Variants in COPS3 observed in about 807,000 individuals in gnomAD.
COPS3 encodes the protein COP9 signalosome subunit 3.
In COPS3, 10 loss-of-function variants were observed where a neutral mutation model predicts 58.2. That is an observed-to-expected ratio of 0.17 (90% confidence interval 0.11 to 0.29). The LOEUF (loss-of-function observed/expected upper bound fraction) is 0.29. Among genes scored for constraint, COPS3 ranks in the 10% least tolerant of loss-of-function variants. The pLI is 1.00. For missense variants in COPS3, 333 were observed against 510.1 expected (o/e 0.65, Z 3.34); for synonymous variants, 187 against 181.7 (o/e 1.03, Z -0.24).
intron 1 of COPS3, among the ~76,000 whole-genome samples, chr17:17,280,165 ACT>A (rs1365591177): frequency 6.6e-6 from 1 of 152,108 alleles, no homozygotes; most frequent in Non-Finnish European, 1.5e-5. Context: ...TAATCCCAGC[ACT>A]TTGGGAGGCC....
chr17:17,277,875 T>G (rs889567027), intron 1 of COPS3, among the ~76,000 whole-genome samples: 2 of 151,840 alleles, frequency 1.3e-5, no homozygotes, highest in Non-Finnish European at 2.9e-5. Flanking sequence ...GGCTCACACC[T>G]GTAATCCCAG....
chr17:17,246,899 C>A lies in COPS3; in HGVS notation c.*199G>T, dbSNP rs1897864026. 1.7e-6 allele frequency: 1 copy of A among 588,704 alleles called. No homozygotes were observed. Among genetic ancestry groups the A allele is most frequent in the Admixed American group, 3.0e-5 (1 of 33,722 alleles). 36.5% of individuals were successfully genotyped at this position (588,704 alleles called of 1,614,324 possible). ...TGAGGATAAATAAATCCACGACAGA[C>A]TTTAAAGTTTGCAAATCTGTTTCCT... is the stretch of plus-strand genomic sequence containing the variant. On this transcript the variant is annotated 3_prime_UTR_variant, in exon 12 of 12. Coordinates refer to ENST00000268717, the MANE Select transcript of COPS3 (RefSeq NM_003653.4).
In COPS3 at chr17:17,281,148, T is replaced by G. The variant is rs753502278; in HGVS notation, c.39A>C (p.Arg13=). Reference sequence around the variant, plus strand: ...GGGCGTTACCTTGAGCTGAGAGCTGTCGGACACTGTTCACGAACTGCTCCA... The same window carrying G: ...GGGCGTTACCTTGAGCTGAGAGCTGGCGGACACTGTTCACGAACTGCTCCA... ...SALEQFVNSV[R]QLSAQGQMTQ... Residue 13 remains arginine, a synonymous_variant, in exon 1 of 12, where the codon CGA becomes CGC. Coordinates refer to ENST00000268717, the MANE Select transcript of COPS3 (RefSeq NM_003653.4). 1.9e-6 allele frequency: 3 copies of G among 1,611,312 alleles called. No individual in the cohort carries two copies. Among genetic ancestry groups the G allele is most frequent in the South Asian group, 2.2e-5 (2 of 90,386 alleles).
At chr17:17,263,443 C>G (rs577744887) in intron 6 of COPS3, among the ~76,000 whole-genome samples, 2 of 151,898 alleles carry the variant, frequency 1.3e-5, no homozygotes, top group Admixed American at 1.3e-4. Flanking sequence ...AGGCGATTTG[C>G]CTGCCTCGGC....
At chr17:17,271,439 T>G (rs1029170889) in intron 2 of COPS3, among the ~76,000 whole-genome samples, 7 of 150,472 alleles carry the variant, frequency 4.7e-5, no homozygotes, top group African/African-American at 1.7e-4. Context: ...AAAAAACAAA[T>G]AAATAAGAAC....
chr17:17,281,052 A>T (rs1738266347), intron 1 of COPS3, 80 bp downstream of exon 1: 2 of 1,486,632 alleles, frequency 1.3e-6, no homozygotes, highest in South Asian at 1.2e-5. Context: ...GGGCTGTTCC[A>T]GCCGTCCGTG....
intron 4 of COPS3, 137 bp from the exon 5 acceptor site, chr17:17,268,114 T>A (rs1192899100): frequency 8.1e-7 from 1 of 1,234,046 alleles, no homozygotes; most frequent in Non-Finnish European, 1.0e-6. Context: ...CCATACTCTT[T>A]CAGGAAATTT....
intron 6 of COPS3, among the ~76,000 whole-genome samples, chr17:17,262,459 G>A (rs1176846598): frequency 1.4e-4 from 21 of 152,108 alleles, no homozygotes; most frequent in Non-Finnish European, 2.9e-5. Flanking sequence ...GCCAGGCGCG[G>A]TGGCTTATGC....
intron 5 of COPS3, among the ~76,000 whole-genome samples, chr17:17,266,163 G>A (rs1214836720): frequency 6.6e-6 from 1 of 152,144 alleles, no homozygotes; most frequent in Non-Finnish European, 1.5e-5. Flanking sequence ...AGGAAACAAT[G>A]TAAATATCCC....
chr17:17,251,126 C>T (rs2047833402), intron 9 of COPS3, among the ~76,000 whole-genome samples: 1 of 152,130 alleles, frequency 6.6e-6, no homozygotes, highest in East Asian at 1.9e-4. Flanking sequence ...TCCCGAGTAG[C>T]TGGGACTACA....
chr17:17,270,878 A>C lies in COPS3; in HGVS notation c.298+18T>G. 1 of 1,610,738 alleles carries C rather than the reference A, an allele frequency of 6.2e-7. No individual in the cohort carries two copies. The highest frequency in any genetic ancestry group is 8.5e-7 in the Non-Finnish European group (1 of 1,177,626). On this transcript the variant is annotated intron_variant, in intron 3 of 11. Transcript: ENST00000268717. ...GGCAAAATATTTTCAATGGAGAATA[A>C]AATGTTATTTAGCTTACAAGTGTCT...
chr17:17,277,247 T>C (rs1463031067), intron 1 of COPS3, among the ~76,000 whole-genome samples: 1 of 152,188 alleles, frequency 6.6e-6, no homozygotes, highest in African/African-American at 2.4e-5. Context: ...ATCTGCCCTC[T>C]CTGCCTCGCA....
intron 2 of COPS3, among the ~76,000 whole-genome samples, chr17:17,273,873 T>G (rs1171015259): frequency 6.6e-6 from 1 of 151,986 alleles, no homozygotes; most frequent in Non-Finnish European, 1.5e-5. Flanking sequence ...AAAAGTTAGC[T>G]GAGTGTGGTG....
Position 17,254,861 on chromosome 17 carries a change from T to C in COPS3, c.1021A>G (p.Met341Val), listed in dbSNP as rs373003594. 2.6e-6 allele frequency: 4 copies of C among 1,549,738 alleles called. No individual in the cohort carries two copies. Among genetic ancestry groups the C allele is most frequent in the African/African-American group, 2.8e-5 (2 of 71,900 alleles). ...PQEAEKYVLH[M>V]IEDGEIFASI... ...AAAGAAAAAGAAAATCCACTTACCA[T>C]GTGCAGAACGTATTTCTCTGCCTCC... The change falls in exon 9 of 12, where the codon ATG (methionine) becomes GTG (valine). Residue 341 changes from methionine (M) to valine (V), a missense_variant and splice_region_variant. Coordinates refer to ENST00000268717, the MANE Select transcript of COPS3 (RefSeq NM_003653.4).
intron 5 of COPS3, among the ~76,000 whole-genome samples, chr17:17,267,043 A>T (rs2048237756): frequency 6.7e-6 from 1 of 150,076 alleles, no homozygotes. Flanking sequence ...TCGGGATTTT[A>T]AAAAAAGTTA....
At chr17:17,255,692 T>G (rs1230649224) in intron 8 of COPS3, among the ~76,000 whole-genome samples, 2 of 150,612 alleles carry the variant, frequency 1.3e-5, no homozygotes, top group East Asian at 3.9e-4. Context: ...ACGCAAAAAT[T>G]TGCCAGGCAT....
intron 2 of COPS3, among the ~76,000 whole-genome samples, chr17:17,274,953 G>C (rs148572581): frequency 1.3e-3 from 202 of 152,024 alleles, no homozygotes; most frequent in African/African-American, 4.7e-3. Flanking sequence ...CCTATCAGTT[G>C]TTCTGTCAGT....
intron 8 of COPS3, among the ~76,000 whole-genome samples, chr17:17,258,784 G>A (rs1272469391): frequency 6.6e-6 from 1 of 152,098 alleles, no homozygotes; most frequent in African/African-American, 2.4e-5. Context: ...GGTTTTTCTG[G>A]CTCACAAGTT....
intron 9 of COPS3, among the ~76,000 whole-genome samples, 199 bp from the exon 10 acceptor site, chr17:17,249,238 G>A (rs1295125200): frequency 1.3e-5 from 2 of 152,182 alleles, no homozygotes; most frequent in African/African-American, 2.4e-5. Context: ...ATGCTAAGAG[G>A]TGTAAAACTG....
Sources: gnomAD v4.1 joint callset for allele counts (sites outside exome capture counted in the v4.1 genomes callset) on GRCh38, gnomAD v4.1.1 for gene constraint, MANE v1.5 for transcripts, NCBI Gene and HGNC (gene_info 2026-07-23, HGNC 2026-07-21) for gene names.